Variants in MARCHF1 observed in about 807,000 individuals in gnomAD.
MARCHF1 encodes the protein E3 ubiquitin-protein ligase MARCHF1.
Under a neutral mutation model 54.2 loss-of-function variants are expected in MARCHF1, and 40 were observed. The ratio of observed to expected loss-of-function variants is 0.74; its 90% CI spans 0.57 to 0.96. The LOEUF (loss-of-function observed/expected upper bound fraction) is 0.96. Among genes scored for constraint, MARCHF1 ranks in the 40% least tolerant of loss-of-function variants. The pLI is 0.00. For missense variants in MARCHF1, 586 were observed against 656.5 expected (o/e 0.89, Z 1.17); for synonymous variants, 236 against 236.3 (o/e 1.00, Z 0.01).
intron 4 of MARCHF1, among the ~76,000 whole-genome samples, chr4:163,705,237 A>G (rs1744915931): frequency 6.6e-6 from 1 of 151,718 alleles, no homozygotes. Context: ...GTATACTATT[A>G]TTGTCATAGA....
Position 163,526,470 on chromosome 4 carries a change from G to C in MARCHF1, c.*2278C>G, listed in dbSNP as rs898729992. On this transcript the variant is annotated 3_prime_UTR_variant, in exon 10 of 10. Coordinates refer to ENST00000514618, the MANE Select transcript of MARCHF1 (RefSeq NM_001394959.1). ...AGCATGTTGCCATTACTAACCCACA[G>C]GGAAAATGGATTAGTAAAAAGCTTA... 1 of 151,982 alleles carries C rather than the reference G, an allele frequency of 6.6e-6. No individual in the cohort carries two copies. Among genetic ancestry groups the C allele is most frequent in the African/African-American group, 2.4e-5 (1 of 41,408 alleles). 9.4% of individuals were successfully genotyped at this position (151,982 alleles called of 1,614,324 possible). A position where few individuals can be genotyped will look rare whatever the true frequency, so the allele number is the denominator to read the frequency against.
intron 1 of MARCHF1, among the ~76,000 whole-genome samples, chr4:164,373,199 T>C (rs1731085496): frequency 6.6e-6 from 1 of 152,252 alleles, no homozygotes; most frequent in South Asian, 2.1e-4. Context: ...ACACTAACGT[T>C]AAGCAATTTG....
intron 1 of MARCHF1, among the ~76,000 whole-genome samples, chr4:164,251,990 A>G (rs1253378564): frequency 6.6e-6 from 1 of 152,200 alleles, no homozygotes; most frequent in African/African-American, 2.4e-5. Context: ...TCATCACAAA[A>G]TAAAGGCTAA....
At chr4:163,772,604 A>G (rs1043124642) in intron 4 of MARCHF1, among the ~76,000 whole-genome samples, 5 of 152,194 alleles carry the variant, frequency 3.3e-5, no homozygotes, top group African/African-American at 1.2e-4. Context: ...GAGAATACCT[A>G]CAATCCTTGC....
At chr4:163,793,823 G>C (rs999224172) in intron 4 of MARCHF1, among the ~76,000 whole-genome samples, 1 of 152,030 alleles carries the variant, frequency 6.6e-6, no homozygotes, top group African/African-American at 2.4e-5. Context: ...TTGCTCAGTC[G>C]ATCACGACCC....
chr4:164,223,492 T>A (rs1027329154), intron 1 of MARCHF1, among the ~76,000 whole-genome samples: 3 of 152,040 alleles, frequency 2.0e-5, no homozygotes, highest in African/African-American at 7.2e-5. Flanking sequence ...TGAAAAATAT[T>A]GATTGCCTTC....
Position 163,986,249 on chromosome 4 carries a change from C to CTTTTTTT in MARCHF1, c.-39+2245_-39+2251dup, listed in dbSNP as rs869081083. ...TTCCTTTTCTCCTAATTAACCTCTT[C>CTTTTTTT]TTTTTTTTTTTTTTTTTTTTTTTTT... On this transcript the variant is annotated intron_variant, in intron 3 of 9. Transcript: ENST00000514618. 1.3e-3 allele frequency among the ~76,000 whole-genome samples: 38 copies of CTTTTTTT among 28,874 alleles called. 1 individual carries two copies. The highest frequency in any genetic ancestry group is 2.8e-3 in the Admixed American group (5 of 1,784). The allele number at this position is 28,874 out of a possible 152,430, so 18.9% of individuals were successfully genotyped here.
chr4:164,263,115 T>TC lies in MARCHF1; in HGVS notation c.-323+120754dup, dbSNP rs574636230. 3.8e-3 allele frequency among the ~76,000 whole-genome samples: 572 copies of TC among 151,790 alleles called. 1 individual carries two copies. Among genetic ancestry groups the TC allele is most frequent in the Non-Finnish European group, 6.7e-3 (457 of 67,986 alleles). On this transcript the variant is annotated intron_variant, in intron 1 of 9. Transcript: ENST00000514618. ...TTTTAAGAAAAAGAAAAGCTATTTT[T>TC]CAAGGTACATGTGTGTACGCGTGCG...
chr4:163,859,021 T>C (rs1261958961), intron 3 of MARCHF1, among the ~76,000 whole-genome samples: 8 of 152,158 alleles, frequency 5.3e-5, no homozygotes, highest in Non-Finnish European at 1.5e-5. Flanking sequence ...TATTCTAGGA[T>C]GTGGAAGAGC....
At position 163,835,850 on chromosome 4, in the gene MARCHF1, G is replaced by A. The variant is rs536238316; in HGVS notation, c.111+18171C>T. On this transcript the variant is annotated intron_variant, in intron 4 of 9. Coordinates refer to ENST00000514618, the MANE Select transcript of MARCHF1 (RefSeq NM_001394959.1). The stretch of plus-strand genomic sequence containing the variant: ...TAACCAGTTTATGCAGAGAGTTAAC[G>A]TACTATAATTAGAAATAGATTGTTT... Among the ~76,000 whole-genome samples, 23 of 140,624 alleles carry A rather than the reference G, an allele frequency of 1.6e-4. No individual in the cohort carries two copies. In the East Asian group the frequency reaches 4.0e-3, roughly 24 times the overall value. The allele number at this position is 140,624 out of a possible 152,430, so 92.3% of individuals were successfully genotyped here.
In MARCHF1 at chr4:164,049,339, C is replaced by A. The variant is rs117966731; in HGVS notation, c.-247-60630G>T. On this transcript the variant is annotated intron_variant, in intron 2 of 9. Coordinates refer to ENST00000514618, the MANE Select transcript of MARCHF1 (RefSeq NM_001394959.1). The stretch of plus-strand genomic sequence containing the variant: ...CACCTCCCACCCACCAGGTCCCTCC[C>A]TTGACACATGGGGATTACAATTCAA... Among the ~76,000 whole-genome samples the A allele has an allele frequency of 2.0e-5, 3 of 152,184 alleles. No homozygotes were observed. The East Asian group carries it at 5.8e-4, about 29-fold the overall frequency.
At chr4:163,574,976 C>T (rs981568058) in intron 8 of MARCHF1, among the ~76,000 whole-genome samples, 1 of 151,814 alleles carries the variant, frequency 6.6e-6, no homozygotes, top group Non-Finnish European at 1.5e-5. Flanking sequence ...TTGTTTGTAT[C>T]CTCTTTTATT....
At chr4:163,995,216 G>T (rs1262358934) in intron 2 of MARCHF1, among the ~76,000 whole-genome samples, 1 of 152,012 alleles carries the variant, frequency 6.6e-6, no homozygotes, top group Non-Finnish European at 1.5e-5. Flanking sequence ...GAGGCTCACA[G>T]AACTCAGGGA....
At chr4:164,041,830 T>C (rs1754135821) in intron 2 of MARCHF1, among the ~76,000 whole-genome samples, 1 of 152,170 alleles carries the variant, frequency 6.6e-6, no homozygotes, top group South Asian at 2.1e-4. Flanking sequence ...ATGCATGGTA[T>C]GCTATAATAT....
At chr4:163,770,558 A>T (rs2022557) in intron 4 of MARCHF1, among the ~76,000 whole-genome samples, 45,455 of 149,972 alleles carry the variant, frequency 0.3, 8,316 homozygotes, top group Non-Finnish European at 0.43. Context: ...ACACACACAC[A>T]CACACAAACA....
At chr4:163,899,763 TACACAC>T (rs70948674) in intron 3 of MARCHF1, among the ~76,000 whole-genome samples, 117 of 148,320 alleles carry the variant, frequency 7.9e-4, no homozygotes, top group South Asian at 1.1e-3. Flanking sequence ...TCTCACCCAC[TACACAC>T]ACACACACAC....
intron 5 of MARCHF1, among the ~76,000 whole-genome samples, chr4:163,675,635 G>A (rs1475131671): frequency 6.6e-6 from 1 of 152,214 alleles, no homozygotes; most frequent in African/African-American, 2.4e-5. Context: ...CACAGGGACT[G>A]TGTAGATAGA....
intron 5 of MARCHF1, among the ~76,000 whole-genome samples, chr4:163,631,261 C>T (rs11941205): frequency 0.037 from 5,566 of 149,918 alleles, 221 homozygotes; most frequent in East Asian, 0.16. Context: ...GGTGTGATCT[C>T]GGCTCACTGC....
chr4:164,119,244 C>A (rs763850438), intron 1 of MARCHF1, among the ~76,000 whole-genome samples: 15 of 151,308 alleles, frequency 9.9e-5, no homozygotes, highest in Admixed American at 6.6e-5. Context: ...TTAAAAATTT[C>A]TTTTGTACAA....
Sources: gnomAD v4.1 joint callset for allele counts (sites outside exome capture counted in the v4.1 genomes callset) on GRCh38, gnomAD v4.1.1 for gene constraint, MANE v1.5 for transcripts, NCBI Gene and HGNC (gene_info 2026-07-23, HGNC 2026-07-21) for gene names.